The following LSAMP variants were observed in gnomAD, a reference collection of about 807,000 sequenced individuals.
LSAMP encodes the protein limbic system associated membrane protein.
Under a neutral mutation model 38.6 loss-of-function variants are expected in LSAMP, and 7 were observed. The ratio of observed to expected loss-of-function variants is 0.18; its 90% CI spans 0.10 to 0.34. The LOEUF is 0.34. Ranked by LOEUF, LSAMP falls within the 10% of genes least tolerant of loss-of-function variation. The pLI is 1.00. For synonymous variants in LSAMP, 154 were observed against 166.8 expected (o/e 0.92, Z 0.59); for missense variants, 313 against 420.0 (o/e 0.75, Z 2.23).
chr3:116,107,290 C>T (rs1217770036), intron 1 of LSAMP, among the ~76,000 whole-genome samples: 2 of 151,988 alleles, frequency 1.3e-5, no homozygotes, highest in East Asian at 3.9e-4. Flanking sequence ...AAAGTATATG[C>T]GTCAGGTATG....
Position 115,806,010 on chromosome 3 carries a change from A to G in LSAMP, c.*4307T>C, listed in dbSNP as rs1256671580. 1.3e-5 allele frequency: 2 copies of G among 152,198 alleles called. No individual in the cohort carries two copies. The highest frequency in any genetic ancestry group is 2.9e-5 in the Non-Finnish European group (2 of 68,022). 9.4% of individuals were successfully genotyped at this position (152,198 alleles called of 1,614,324 possible). A position where few individuals can be genotyped will look rare whatever the true frequency, so the allele number is the denominator to read the frequency against. On this transcript the variant is annotated 3_prime_UTR_variant, in exon 7 of 7. Coordinates refer to ENST00000490035, the MANE Select transcript of LSAMP (RefSeq NM_002338.5). ...TATTAATAGTTTATGTAGGTAAGAT[A>G]TAGCACTGTACTTACATTTCTCTTA...
At chr3:116,331,648 C>T (rs1054668428) in intron 1 of LSAMP, among the ~76,000 whole-genome samples, 2 of 152,028 alleles carry the variant, frequency 1.3e-5, no homozygotes, top group African/African-American at 4.8e-5. Context: ...TAGAACTGCC[C>T]TGAAAGAAGT....
At chr3:116,283,919 T>C (rs934706187) in intron 1 of LSAMP, among the ~76,000 whole-genome samples, 6 of 152,008 alleles carry the variant, frequency 3.9e-5, no homozygotes, top group African/African-American at 1.5e-4. Context: ...GGTAGAAGAA[T>C]TGCTTGAACC....
chr3:116,041,881 C>T (rs935900729), intron 2 of LSAMP, among the ~76,000 whole-genome samples: 1 of 149,370 alleles, frequency 6.7e-6, no homozygotes, highest in Non-Finnish European at 1.5e-5. Flanking sequence ...GGTTTGAAAA[C>T]TTCATAAATG....
At chr3:116,105,297 T>C (rs948493966) in intron 1 of LSAMP, among the ~76,000 whole-genome samples, 8 of 152,182 alleles carry the variant, frequency 5.3e-5, no homozygotes, top group Non-Finnish European at 1.2e-4. Flanking sequence ...GTGAGAGGAC[T>C]AACTGCCGCA....
rs71141863 is a variant in LSAMP at position 116,222,720 on chromosome 3, C to CTTTTTTTTTTTTT, written c.156-136177_156-136165dup. 1.0e-4 allele frequency among the ~76,000 whole-genome samples: 5 copies of CTTTTTTTTTTTTT among 49,942 alleles called. 2 individuals carry two copies. Among genetic ancestry groups the CTTTTTTTTTTTTT allele is most frequent in the African/African-American group, 4.3e-4 (5 of 11,542 alleles). The allele number at this position is 49,942 out of a possible 152,430, so 32.8% of individuals were successfully genotyped here. A position where few individuals can be genotyped will look rare whatever the true frequency, so the allele number is the denominator to read the frequency against. Reference sequence around the variant, plus strand: ...TTTTTTGCTCACCTTTCATCCTCTCCTTTTTTTTTTTTTTTTTTTTTTTTT... The same window carrying CTTTTTTTTTTTTT: ...TTTTTTGCTCACCTTTCATCCTCTCCTTTTTTTTTTTTTTTTTTTTTTTTTTTTTTTTTTTTTT... On this transcript the variant is annotated intron_variant, in intron 1 of 6. Transcript: ENST00000490035.
chr3:116,344,982 T>A (rs1164937190), intron 1 of LSAMP, among the ~76,000 whole-genome samples: 1 of 152,218 alleles, frequency 6.6e-6, no homozygotes, highest in Non-Finnish European at 1.5e-5. Context: ...TAGATTGTAA[T>A]CCCTGTGTGT....
chr3:116,143,709 T>C (rs1709426278), intron 1 of LSAMP, among the ~76,000 whole-genome samples: 1 of 152,090 alleles, frequency 6.6e-6, no homozygotes, highest in South Asian at 2.1e-4. Context: ...TGTTTCCTAT[T>C]TTATTAGCTT....
At chr3:116,130,749 G>A (rs1486104916) in intron 1 of LSAMP, among the ~76,000 whole-genome samples, 1 of 152,026 alleles carries the variant, frequency 6.6e-6, no homozygotes, top group Non-Finnish European at 1.5e-5. Context: ...ACAGTGTATA[G>A]CTACAGGTTT....
intron 1 of LSAMP, among the ~76,000 whole-genome samples, chr3:116,110,381 C>T (rs1576368866): frequency 6.6e-6 from 1 of 152,186 alleles, no homozygotes; most frequent in South Asian, 2.1e-4. Context: ...GGCATCCCTG[C>T]GTGGTCTGAC....
At chr3:116,211,749 CT>C (rs1205738378) in intron 1 of LSAMP, among the ~76,000 whole-genome samples, 1 of 152,174 alleles carries the variant, frequency 6.6e-6, no homozygotes, top group African/African-American at 2.4e-5. Flanking sequence ...ACTAGTCAGT[CT>C]GGCAAAAACA....
At chr3:115,899,471 A>T (rs1936818120) in intron 3 of LSAMP, among the ~76,000 whole-genome samples, 1 of 152,204 alleles carries the variant, frequency 6.6e-6, no homozygotes, top group Admixed American at 6.6e-5. Flanking sequence ...AGAGAAAGGT[A>T]CTTTAAAAAA....
intron 6 of LSAMP, among the ~76,000 whole-genome samples, chr3:115,812,558 G>A (rs551797903): frequency 2.0e-5 from 3 of 152,084 alleles, no homozygotes; most frequent in Non-Finnish European, 4.4e-5. Flanking sequence ...TGGGCTGGTA[G>A]GAATGTTACT....
At chr3:116,083,682 A>C (rs190170267) in intron 2 of LSAMP, among the ~76,000 whole-genome samples, 8 of 152,344 alleles carry the variant, frequency 5.3e-5, no homozygotes, top group African/African-American at 1.9e-4. Flanking sequence ...ATAAAAAATC[A>C]AAAGTGTCTT....
intron 2 of LSAMP, among the ~76,000 whole-genome samples, chr3:116,062,038 A>G (rs1576340267): frequency 6.6e-6 from 1 of 152,224 alleles, no homozygotes; most frequent in African/African-American, 2.4e-5. Context: ...TGGAGCTTCC[A>G]ATCTATCTGT....
intron 1 of LSAMP, among the ~76,000 whole-genome samples, chr3:116,412,240 C>A (rs114462630): frequency 0.027 from 4,114 of 152,046 alleles, 185 homozygotes; most frequent in African/African-American, 0.091. Flanking sequence ...TGAACATGGA[C>A]ATGTATGAAA....
intron 1 of LSAMP, among the ~76,000 whole-genome samples, chr3:116,151,201 A>T (rs1709602036): frequency 6.6e-6 from 1 of 152,084 alleles, no homozygotes; most frequent in African/African-American, 2.4e-5. Flanking sequence ...TTAAATGAGG[A>T]AAACAGAAAA....
At chr3:115,969,116 T>C (rs1477428564) in intron 3 of LSAMP, among the ~76,000 whole-genome samples, 1 of 152,188 alleles carries the variant, frequency 6.6e-6, no homozygotes, top group African/African-American at 2.4e-5. Flanking sequence ...AGTGCCTCTT[T>C]CAGTGATATG....
At chr3:115,815,696 T>C (rs1378425508) in intron 6 of LSAMP, among the ~76,000 whole-genome samples, 1 of 152,224 alleles carries the variant, frequency 6.6e-6, no homozygotes, top group Non-Finnish European at 1.5e-5. Flanking sequence ...GTATCACATA[T>C]AACACTAGCC....
Sources: gnomAD v4.1 joint callset for allele counts (sites outside exome capture counted in the v4.1 genomes callset) on GRCh38, gnomAD v4.1.1 for gene constraint, MANE v1.5 for transcripts, NCBI Gene and HGNC (gene_info 2026-07-23, HGNC 2026-07-21) for gene names.